WDR49: variants seen among roughly 807,000 people sequenced by gnomAD.
WDR49 encodes cilia- and flagella-associated protein 337.
WDR49 carries 107 observed loss-of-function variants against 119.5 expected under a neutral mutation model. The observed-to-expected ratio is 0.90, with a 90% confidence interval of 0.77 to 1.05. The LOEUF is 1.05. Ranked by LOEUF, WDR49 falls within the 50% of genes least tolerant of loss-of-function variation. The probability of loss-of-function intolerance (pLI) is 0.00; values close to 1 mark genes in which losing one functional copy is unlikely to be tolerated. For missense variants in WDR49, 1,240 were observed against 1,220.5 expected, an observed-to-expected ratio of 1.02 and a Z score of -0.24; for synonymous variants, 425 against 418.8, an observed-to-expected ratio of 1.01 and a Z score of -0.18.
At chr3:167,563,353 CA>C (rs61247447) in intron 8 of WDR49, among the ~76,000 whole-genome samples, 5,416 of 55,926 alleles carry the variant, frequency 0.097, 56 homozygotes, top group African/African-American at 0.15. Context: ...GATTCTGAAT[CA>C]AAAAAAAAAA....
At chr3:167,600,078 G>C (rs1715683544) in intron 7 of WDR49, among the ~76,000 whole-genome samples, 1 of 152,020 alleles carries the variant, frequency 6.6e-6, no homozygotes, top group African/African-American at 2.4e-5. Context: ...TTCTGACCAG[G>C]GACCTATCTT....
Position 167,527,941 on chromosome 3 carries a change from T to C in WDR49, c.2483A>G (p.Asp828Gly). ...TLIRSFQPHE[D>G]RISSLEMCEP... The stretch of plus-strand genomic sequence containing the variant: ...ACACATCTCTAAGGAACTTATTCGG[T>C]CCTCATGAGGTTGGAATGATCTTAT... Residue 828 changes from aspartate (D) to glycine (G), a missense_variant, in exon 15 of 19, where the codon GAC (aspartate) becomes GGC (glycine). Physicochemically the swap from Asp to Gly is moderately conservative, Grantham distance 94. Coordinates refer to ENST00000682715, the MANE Select transcript of WDR49 (RefSeq NM_001366157.1). The C allele has an allele frequency of 1.9e-6, 3 of 1,613,366 alleles. No homozygotes were observed. Among genetic ancestry groups the C allele is most frequent in the South Asian group, 1.1e-5 (1 of 91,052 alleles).
At chr3:167,622,760 G>A (rs1716931965) in intron 3 of WDR49, among the ~76,000 whole-genome samples, 1 of 152,008 alleles carries the variant, frequency 6.6e-6, no homozygotes, top group Non-Finnish European at 1.5e-5. Flanking sequence ...AACGTCAGCA[G>A]GATGCACTTC....
intron 5 of WDR49, among the ~76,000 whole-genome samples, chr3:167,613,418 T>C (rs1716438785): frequency 6.6e-6 from 1 of 152,212 alleles, no homozygotes; most frequent in South Asian, 2.1e-4. Context: ...CCAAGGCCAC[T>C]GCTCACAGCG....
intron 15 of WDR49, among the ~76,000 whole-genome samples, chr3:167,525,185 G>T (rs908667322): frequency 6.6e-6 from 1 of 151,836 alleles, no homozygotes; most frequent in African/African-American, 2.4e-5. Context: ...ATGGGAATTC[G>T]CTCATGATTG....
At chr3:167,564,613 C>T (rs1028769853) in intron 8 of WDR49, among the ~76,000 whole-genome samples, 8 of 152,156 alleles carry the variant, frequency 5.3e-5, no homozygotes, top group African/African-American at 4.8e-5. Flanking sequence ...GAGGACGGGG[C>T]CCTGACAGTC....
At chr3:167,540,946 G>A (rs569881359) in intron 10 of WDR49, among the ~76,000 whole-genome samples, 3 of 151,926 alleles carry the variant, frequency 2.0e-5, no homozygotes, top group Admixed American at 6.6e-5. Flanking sequence ...ACAAGTAGAA[G>A]AAAGAACTTC....
In WDR49 at chr3:167,573,629, ATAAAT is replaced by A. The variant is rs569792492; in HGVS notation, c.1509+2284_1509+2288del. 2.1e-3 allele frequency among the ~76,000 whole-genome samples: 322 copies of A among 152,258 alleles called. 1 individual carries two copies. The highest frequency in any genetic ancestry group is 3.5e-3 in the Non-Finnish European group (241 of 68,022). On this transcript the variant is annotated intron_variant, in intron 8 of 18. Coordinates refer to ENST00000682715, the MANE Select transcript of WDR49 (RefSeq NM_001366157.1). ...AGAGTGAAAGTTTAGAAAGCAAACA[ATAAAT>A]TAATATTATGATGAAAATAATTTTG...
At position 167,554,637 on chromosome 3, in the gene WDR49, T is replaced by G; in HGVS notation, c.1823+13A>C. On this transcript the variant is annotated intron_variant, in intron 10 of 18. Coordinates refer to ENST00000682715, the MANE Select transcript of WDR49 (RefSeq NM_001366157.1). ...TTAGATTTTGATTAAAATAAAAACA[T>G]TCTCCTTTTTACCTTCCTATAGTTT... The G allele has an allele frequency of 7.1e-7, 1 of 1,413,466 alleles. No homozygotes were observed. Among genetic ancestry groups the G allele is most frequent in the Non-Finnish European group, 9.7e-7 (1 of 1,026,406 alleles). The allele number at this position is 1,413,466 out of a possible 1,614,324, so 87.6% of individuals were successfully genotyped here. A position where few individuals can be genotyped will look rare whatever the true frequency, so the allele number is the denominator to read the frequency against.
chr3:167,502,624 A>G (rs143393098), intron 17 of WDR49, among the ~76,000 whole-genome samples: 1 of 152,298 alleles, frequency 6.6e-6, no homozygotes, highest in East Asian at 1.9e-4. Context: ...GGTCACCCAT[A>G]TTATGCCTTA....
chr3:167,636,015 ATGAG>A (rs1717602075), intron 2 of WDR49, among the ~76,000 whole-genome samples: 1 of 151,590 alleles, frequency 6.6e-6, no homozygotes, highest in Non-Finnish European at 1.5e-5. Flanking sequence ...ATTTGGTTAC[ATGAG>A]TAAGTTTTTT....
chr3:167,515,332 C>T (rs1752157376), intron 16 of WDR49, among the ~76,000 whole-genome samples: 2 of 152,136 alleles, frequency 1.3e-5, no homozygotes, highest in Admixed American at 6.6e-5. Flanking sequence ...GCTGACTCAA[C>T]GTAGGTAAAT....
chr3:167,596,808 C>A (rs950973616), intron 7 of WDR49, among the ~76,000 whole-genome samples: 17 of 150,984 alleles, frequency 1.1e-4, no homozygotes, highest in South Asian at 8.4e-4. Context: ...CAGCATGGCA[C>A]ATATATACAT....
chr3:167,621,438 G>C lies in WDR49; in HGVS notation c.783+29C>G. ...CTACAGTTTGATGATTAAATCCATA[G>C]TATTCAATCTTAATCTACCCTCACT... is the stretch of plus-strand genomic sequence containing the variant. On this transcript the variant is annotated intron_variant, in intron 4 of 18. Coordinates refer to ENST00000682715, the MANE Select transcript of WDR49 (RefSeq NM_001366157.1). 2.7e-6 allele frequency: 4 copies of C among 1,476,484 alleles called. 1 individual carries two copies. In the South Asian group the frequency reaches 5.5e-5, roughly 20 times the overall value. 91.5% of individuals were successfully genotyped at this position (1,476,484 alleles called of 1,614,324 possible). A position where few individuals can be genotyped will look rare whatever the true frequency, so the allele number is the denominator to read the frequency against.
At chr3:167,597,709 G>A (rs1577265541) in intron 7 of WDR49, among the ~76,000 whole-genome samples, 1 of 152,184 alleles carries the variant, frequency 6.6e-6, no homozygotes, top group African/African-American at 2.4e-5. Context: ...GTGAGACATG[G>A]AGTAAAAGGA....
chr3:167,547,361 T>G (rs1712269764), intron 10 of WDR49, among the ~76,000 whole-genome samples: 1 of 151,826 alleles, frequency 6.6e-6, no homozygotes, highest in Admixed American at 6.6e-5. Context: ...TAAATAAAAT[T>G]GTCAGAATCA....
Position 167,529,133 on chromosome 3 carries a change from C to T in WDR49, c.2325G>A (p.Ser775=), listed in dbSNP as rs781205351. ...AEFLAHSGVG[S]IIMSTDKMNR... is the part of the protein sequence containing the mutation. ...TCATCTTATCAGTAGACATAATAAT[C>T]GATCCAACTCCACTATGAGCCAAAA... is the stretch of plus-strand genomic sequence containing the variant. The change falls in exon 14 of 19, where the codon TCG becomes TCA. Residue 775 remains serine (S), a synonymous_variant. Coordinates refer to ENST00000682715, the MANE Select transcript of WDR49 (RefSeq NM_001366157.1). 1.2e-5 allele frequency: 19 copies of T among 1,611,616 alleles called. No homozygotes were observed. Among genetic ancestry groups the T allele is most frequent in the East Asian group, 6.7e-5 (3 of 44,770 alleles).
At chr3:167,501,781 C>G (rs1751580139) in intron 17 of WDR49, among the ~76,000 whole-genome samples, 1 of 152,158 alleles carries the variant, frequency 6.6e-6, no homozygotes, top group South Asian at 2.1e-4. Flanking sequence ...GGTCCGTCAA[C>G]AACTAGACTA....
At chr3:167,585,276 G>A (rs550904342) in intron 7 of WDR49, among the ~76,000 whole-genome samples, 6 of 152,080 alleles carry the variant, frequency 3.9e-5, no homozygotes, top group African/African-American at 1.2e-4. Flanking sequence ...ATGCCTATTG[G>A]TACAACACTT....
Sources: allele counts gnomAD v4.1 joint callset (sites outside exome capture counted in the v4.1 genomes callset), GRCh38; gene constraint gnomAD v4.1.1; transcripts MANE v1.5; gene names NCBI Gene and HGNC (gene_info 2026-07-23, HGNC 2026-07-21).